Variants in TEX36 observed in about 807,000 individuals in gnomAD.
The protein encoded by TEX36 is testis expressed 36.
Under a neutral mutation model 13.6 loss-of-function variants are expected in TEX36, and 12 were observed. That is an observed-to-expected ratio of 0.88 (90% confidence interval 0.56 to 1.43). TEX36 has a LOEUF of 1.43. Ranked by LOEUF, TEX36 falls within the 40% of genes most tolerant of loss-of-function variation. TEX36 has a pLI of 0.00. For missense variants in TEX36, 224 were observed against 228.3 expected, an observed-to-expected ratio of 0.98 and a Z score of 0.12; for synonymous variants, 93 against 83.0, an observed-to-expected ratio of 1.12 and a Z score of -0.65.
chr10:125,576,727 C>G (rs193216522), exon 4 of TEX36: 5 of 1,534,472 alleles, frequency 3.3e-6, no homozygotes, highest in Non-Finnish European at 2.6e-6. Flanking sequence ...GAATGGGTGA[C>G]AGAAACTTGC....
chr10:125,577,437 T>G (rs1845837512), intron 3 of TEX36, among the ~76,000 whole-genome samples: 2 of 152,146 alleles, frequency 1.3e-5, no homozygotes, highest in African/African-American at 4.8e-5. Flanking sequence ...AGGCAGAGGT[T>G]GCATTGAGCT....
chr10:125,613,689 A>G (rs1846321057), intron 3 of TEX36, among the ~76,000 whole-genome samples: 1 of 152,008 alleles, frequency 6.6e-6, no homozygotes, highest in Non-Finnish European at 1.5e-5. Context: ...ATTGTTGGAC[A>G]TTTGGGTTGG....
At chr10:125,613,111 C>T (rs1846310519) in intron 3 of TEX36, among the ~76,000 whole-genome samples, 2 of 151,640 alleles carry the variant, frequency 1.3e-5, no homozygotes, top group Non-Finnish European at 1.5e-5. Flanking sequence ...TGTTGAGGTG[C>T]CCCGCCCGAC....
chr10:125,585,059 T>C (rs553035904), intron 3 of TEX36, among the ~76,000 whole-genome samples: 1 of 152,072 alleles, frequency 6.6e-6, no homozygotes, highest in South Asian at 2.1e-4. Flanking sequence ...CTTAGGGAGG[T>C]GCAAGCTCCG....
chr10:125,650,089 G>A (rs1234777149), intron 3 of TEX36, among the ~76,000 whole-genome samples: 2 of 152,116 alleles, frequency 1.3e-5, no homozygotes, highest in African/African-American at 4.8e-5. Flanking sequence ...ACAGATCCAT[G>A]AGACAGAAAG....
chr10:125,583,139 G>C (rs914275977), intron 3 of TEX36, among the ~76,000 whole-genome samples: 2 of 152,222 alleles, frequency 1.3e-5, no homozygotes, highest in African/African-American at 4.8e-5. Flanking sequence ...CTGACAATCT[G>C]TCCAGCAGCC....
downstream of TEX36, among the ~76,000 whole-genome samples, chr10:125,651,898 G>A (rs1447643451): frequency 6.6e-6 from 1 of 152,142 alleles, no homozygotes; most frequent in African/African-American, 2.4e-5. Context: ...ATTCACAATT[G>A]CTTCAAAGAG....
intron 3 of TEX36, among the ~76,000 whole-genome samples, chr10:125,581,959 G>T (rs1259446510): frequency 6.6e-6 from 1 of 152,226 alleles, no homozygotes; most frequent in Non-Finnish European, 1.5e-5. Flanking sequence ...AGCAGTGAGA[G>T]GAGGAGGCTG....
intron 3 of TEX36, among the ~76,000 whole-genome samples, chr10:125,607,592 GAC>G (rs1188162984): frequency 6.6e-6 from 1 of 152,104 alleles, no homozygotes; most frequent in Non-Finnish European, 1.5e-5. Context: ...CTGAGCTCAT[GAC>G]AGAGACACAT....
At chr10:125,608,494 G>A (rs111862258) in intron 3 of TEX36, among the ~76,000 whole-genome samples, 6 of 152,126 alleles carry the variant, frequency 3.9e-5, no homozygotes, top group South Asian at 2.1e-4. Flanking sequence ...TGTCCTCCAC[G>A]AAGCCTGGGA....
chr10:125,628,673 A>G (rs758927934), intron 3 of TEX36, among the ~76,000 whole-genome samples: 2 of 152,238 alleles, frequency 1.3e-5, no homozygotes, highest in Non-Finnish European at 2.9e-5. Context: ...CAGCTGGTAA[A>G]GAAGATGCAG....
chr10:125,678,678 A>C (rs1847346805), intron 1 of TEX36, among the ~76,000 whole-genome samples: 1 of 152,086 alleles, frequency 6.6e-6, no homozygotes, highest in Non-Finnish European at 1.5e-5. Context: ...TGGGCTGGGC[A>C]GGCCAGTCTC....
intron 3 of TEX36, among the ~76,000 whole-genome samples, chr10:125,602,242 A>C (rs915646654): frequency 6.6e-6 from 1 of 152,196 alleles, no homozygotes; most frequent in Non-Finnish European, 1.5e-5. Flanking sequence ...CCTAGCACCC[A>C]TCTCCTGGCA....
At chr10:125,679,696 G>T (rs912698949) in intron 1 of TEX36, among the ~76,000 whole-genome samples, 1 of 152,142 alleles carries the variant, frequency 6.6e-6, no homozygotes, top group African/African-American at 2.4e-5. Context: ...CCCCACGTAC[G>T]GTGTTTCCTG....
downstream of TEX36, among the ~76,000 whole-genome samples, chr10:125,618,942 T>TAAAAAAAAAAAAAAAAAAAAAAA (rs11452140): frequency 1.6e-4 from 7 of 43,586 alleles, no homozygotes; most frequent in Admixed American, 5.2e-4. Context: ...CCGTCTCTAC[T>TAAAAAAAAAAAAAAAAAAAAAAA]AAAAAAAAAA....
At chr10:125,625,782 T>C (rs1219582563) in intron 3 of TEX36, among the ~76,000 whole-genome samples, 1 of 152,350 alleles carries the variant, frequency 6.6e-6, no homozygotes, top group East Asian at 1.9e-4. Context: ...CCTGACCCAG[T>C]GCAGAGCCAC....
chr10:125,678,320 G>A (rs1204679302), intron 1 of TEX36, among the ~76,000 whole-genome samples: 2 of 152,314 alleles, frequency 1.3e-5, no homozygotes, highest in East Asian at 3.9e-4. Flanking sequence ...TTTCCTCAGT[G>A]TGTTAGGGTG....
intron 3 of TEX36, among the ~76,000 whole-genome samples, chr10:125,647,951 G>A (rs572090909): frequency 1.2e-4 from 18 of 152,204 alleles, no homozygotes; most frequent in African/African-American, 4.3e-4. Context: ...CAGCAAGGCT[G>A]GGGGAGGGGC....
At chr10:125,628,667 TG>T (rs1846516916) in intron 3 of TEX36, among the ~76,000 whole-genome samples, 1 of 152,364 alleles carries the variant, frequency 6.6e-6, no homozygotes, top group South Asian at 2.1e-4. Flanking sequence ...AGTATGCAGC[TG>T]GTAAAGAAGA....
Sources: allele counts gnomAD v4.1 joint callset (sites outside exome capture counted in the v4.1 genomes callset), GRCh38; gene constraint gnomAD v4.1.1; transcripts MANE v1.5; gene names NCBI Gene and HGNC (gene_info 2026-07-23, HGNC 2026-07-21).